Variants in ARHGEF18 observed in about 807,000 individuals in gnomAD.
The protein encoded by ARHGEF18 is rho guanine nucleotide exchange factor 18.
A neutral mutation model predicts 155.7 loss-of-function variants in ARHGEF18; 93 were observed. That is an observed-to-expected ratio of 0.60 (90% CI 0.50 to 0.71). ARHGEF18 has a LOEUF of 0.71. Among genes scored for constraint, ARHGEF18 ranks in the 30% least tolerant of loss-of-function variants. The pLI is 0.00. For missense variants in ARHGEF18, 1,593 were observed against 1,816.1 expected (o/e 0.88, Z 2.23); for synonymous variants, 742 against 753.1 (o/e 0.99, Z 0.24).
rs146495237 is a variant in ARHGEF18, at chr19:7,373,309, C to T, written c.275+238C>T. ...TTTATCGTGCACTTTATTTATATTA[C>T]GTTGTAATACATAATGAAATAATTA... On this transcript the variant is annotated intron_variant, in intron 3 of 28. Coordinates refer to ENST00000668164, the MANE Select transcript of ARHGEF18 (RefSeq NM_001367823.1). 1.9e-4 allele frequency among the ~76,000 whole-genome samples: 29 copies of T among 152,216 alleles called. No homozygotes were observed. In the East Asian group the frequency reaches 5.2e-3, roughly 27 times the overall value.
At chr19:7,460,070 G>A (rs1976116607) in intron 20 of ARHGEF18, 76 bp downstream of exon 20, 1 of 1,390,944 alleles carries the variant, frequency 7.2e-7, no homozygotes, top group South Asian at 1.3e-5. Context: ...GGCCACAGAG[G>A]GTGAACTGCC....
chr19:7,451,112 G>C (rs1313621877), intron 15 of ARHGEF18, 37 bp from the exon 16 acceptor site: 1 of 1,457,642 alleles, frequency 6.9e-7, no homozygotes, highest in African/African-American at 2.6e-5. Context: ...GTCCGTTTCT[G>C]AGATGTTAAT....
intron 10 of ARHGEF18, among the ~76,000 whole-genome samples, chr19:7,385,478 T>TTAC (rs1970957874): frequency 6.8e-6 from 1 of 146,136 alleles, no homozygotes; most frequent in Non-Finnish European, 1.5e-5. Context: ...ATTATTATTA[T>TTAC]TATTATTATT....
chr19:7,383,228 C>A (rs1970831082), intron 10 of ARHGEF18, 25 bp downstream of exon 10: 4 of 1,232,284 alleles, frequency 3.2e-6, no homozygotes, highest in Non-Finnish European at 4.0e-6. Flanking sequence ...CCAATCCATC[C>A]TCCTGGAGGG....
intron 10 of ARHGEF18, among the ~76,000 whole-genome samples, chr19:7,438,412 T>C (rs1974407658): frequency 1.3e-5 from 2 of 149,814 alleles, no homozygotes; most frequent in East Asian, 2.0e-4. Context: ...AGATTTCTTT[T>C]TTTTTTTTTT....
intron 23 of ARHGEF18, among the ~76,000 whole-genome samples, chr19:7,466,053 T>C (rs575541577): frequency 1.3e-5 from 2 of 151,658 alleles, no homozygotes; most frequent in Admixed American, 1.3e-4. Flanking sequence ...CACTGCACTC[T>C]AGCCTGGGCG....
intron 1 of ARHGEF18, among the ~76,000 whole-genome samples, chr19:7,354,942 A>G (rs534220987): frequency 2.8e-4 from 43 of 152,092 alleles, no homozygotes; most frequent in Non-Finnish European, 5.3e-4. Context: ...AGATGAAGAC[A>G]CAAATATGTA....
At chr19:7,362,513 G>A (rs1969673680) in intron 1 of ARHGEF18, among the ~76,000 whole-genome samples, 1 of 152,152 alleles carries the variant, frequency 6.6e-6, no homozygotes, top group Non-Finnish European at 1.5e-5. Flanking sequence ...CTGGTGTGTT[G>A]GGAAGAATCC....
At position 7,444,062 on chromosome 19, in the gene ARHGEF18, A is replaced by G; in HGVS notation, c.1361-142A>G. 1 of 1,086,170 alleles carries G rather than the reference A, an allele frequency of 9.2e-7. No individual in the cohort carries two copies. Among genetic ancestry groups the G allele is most frequent in the Non-Finnish European group, 1.3e-6 (1 of 764,148 alleles). 67.3% of individuals were successfully genotyped at this position (1,086,170 alleles called of 1,614,324 possible). On this transcript the variant is annotated intron_variant, in intron 13 of 28. Coordinates refer to ENST00000668164, the MANE Select transcript of ARHGEF18 (RefSeq NM_001367823.1). The surrounding 1 kb of genome is among the most constrained non-coding windows in gnomAD (Gnocchi z 4.7). ...TCTAAACCCTGGACACCCTGGAAGTAAGAAAGATCCCAAAGGCACAAGGTC... is the reference window on the plus strand; with the variant it reads ...TCTAAACCCTGGACACCCTGGAAGTGAGAAAGATCCCAAAGGCACAAGGTC...
intron 10 of ARHGEF18, among the ~76,000 whole-genome samples, chr19:7,408,485 TAC>T: frequency 6.6e-6 from 1 of 152,240 alleles, no homozygotes; most frequent in Admixed American, 6.5e-5. Flanking sequence ...GCATCATTTT[TAC>T]AGTTCTGTTT....
chr19:7,383,504 C>T (rs1568283912), intron 10 of ARHGEF18: 2 of 397,188 alleles, frequency 5.0e-6, no homozygotes, highest in South Asian at 1.4e-4. Context: ...AAGTACCATG[C>T]ACCAGGTGGC....
At chr19:7,441,218 C>T (rs1216003262) in intron 11 of ARHGEF18, among the ~76,000 whole-genome samples, 2 of 123,158 alleles carry the variant, frequency 1.6e-5, no homozygotes, top group Admixed American at 1.1e-4. Flanking sequence ...GAGTCTCTGT[C>T]GCCCAGGCTG....
intron 1 of ARHGEF18, among the ~76,000 whole-genome samples, chr19:7,359,450 T>A (rs1214130577): frequency 1.3e-5 from 2 of 148,640 alleles, no homozygotes; most frequent in African/African-American, 5.2e-5. Flanking sequence ...CAGTCTATGA[T>A]GCCAGATCAA....
At chr19:7,450,930 C>T in intron 15 of ARHGEF18, among the ~76,000 whole-genome samples, 1 of 152,118 alleles carries the variant, frequency 6.6e-6, no homozygotes, top group Non-Finnish European at 1.5e-5. Flanking sequence ...CAGGATCTTG[C>T]TGTCCGTTTC....
intron 10 of ARHGEF18, among the ~76,000 whole-genome samples, chr19:7,438,380 C>T (rs931459889): frequency 1.3e-5 from 2 of 150,940 alleles, no homozygotes; most frequent in African/African-American, 2.4e-5. Flanking sequence ...GGATTACAGG[C>T]GTGAGCCACC....
rs1451954587 is a variant in ARHGEF18, at chr19:7,395,885, AGGTTT to A, written c.967+12684_967+12688del. On this transcript the variant is annotated intron_variant, in intron 10 of 28. Transcript: ENST00000668164. The surrounding 1 kb of genome is among the most constrained non-coding windows in gnomAD (Gnocchi z 5.0). Reference sequence around the variant, plus strand: ...TTTGAGATTGAGGGGGTACATGTACAGGTTTGTTACCTGGATATATTGCGTGATGC... The same window carrying A: ...TTTGAGATTGAGGGGGTACATGTACAGTTACCTGGATATATTGCGTGATGC... 6.6e-6 allele frequency among the ~76,000 whole-genome samples: 1 copy of A among 152,178 alleles called. No homozygotes were observed. Among genetic ancestry groups the A allele is most frequent in the Non-Finnish European group, 1.5e-5 (1 of 68,042 alleles).
intron 20 of ARHGEF18, 116 bp downstream of exon 20, chr19:7,460,110 C>A: frequency 1.0e-6 from 1 of 988,818 alleles, no homozygotes; most frequent in Non-Finnish European, 1.5e-6. Flanking sequence ...TTCCCGTGGG[C>A]TGTGCCATGT....
intron 7 of ARHGEF18, among the ~76,000 whole-genome samples, chr19:7,380,286 G>A (rs1042576058): frequency 2.0e-5 from 3 of 151,802 alleles, no homozygotes; most frequent in East Asian, 1.9e-4. Context: ...AGACCATCCT[G>A]ACTAACATGG....
chr19:7,374,017 T>C (rs1402520721), intron 3 of ARHGEF18, among the ~76,000 whole-genome samples: 1 of 151,984 alleles, frequency 6.6e-6, no homozygotes, highest in African/African-American at 2.4e-5. Context: ...CGCCTTGGCC[T>C]CCCAAGTGCT....
Sources: allele counts gnomAD v4.1 joint callset (sites outside exome capture counted in the v4.1 genomes callset), GRCh38; gene constraint gnomAD v4.1.1; non-coding constraint Gnocchi (gnomAD v3.1); transcripts MANE v1.5; gene names NCBI Gene and HGNC (gene_info 2026-07-23, HGNC 2026-07-21).